The following SLC5A8 variants were observed in gnomAD, a reference collection of about 807,000 sequenced individuals.
SLC5A8 encodes the protein solute carrier family 5 member 8.
Under a neutral mutation model 71.9 loss-of-function variants are expected in SLC5A8, and 55 were observed. The ratio of observed to expected loss-of-function variants is 0.77; its 90% CI spans 0.62 to 0.96. The LOEUF (loss-of-function observed/expected upper bound fraction) is 0.96, where lower values mean the gene tolerates loss of function less well. Among genes scored for constraint, SLC5A8 ranks in the 40% least tolerant of loss-of-function variants. The pLI is 0.00. For missense variants in SLC5A8, 701 were observed against 745.3 expected (o/e 0.94, Z 0.69); for synonymous variants, 307 against 276.1 (o/e 1.11, Z -1.11).
chr12:101,190,805 G>A (rs574017762), intron 5 of SLC5A8, among the ~76,000 whole-genome samples, 197 bp from the exon 6 acceptor site: 1 of 152,016 alleles, frequency 6.6e-6, no homozygotes, highest in Admixed American at 6.6e-5. Flanking sequence ...ACTATTTTCA[G>A]AGATCTGAAA....
chr12:101,210,180 G>GTTAAT lies in SLC5A8; in HGVS notation c.-333_-332insATTAA. ...GGGGACACCTGAGCAGATGAGAACT[G>GTTAAT]GAGCCTCCAGCTGCTTCCAGCGAAT... On this transcript the variant is annotated 5_prime_UTR_variant, in exon 1 of 15. Transcript: ENST00000536262. 1.7e-5 allele frequency: 5 copies of GTTAAT among 301,124 alleles called. No individual in the cohort carries two copies. The highest frequency in any genetic ancestry group is 3.0e-5 in the Non-Finnish European group (5 of 165,304). 18.7% of individuals were successfully genotyped at this position (301,124 alleles called of 1,614,324 possible).
At chr12:101,164,436 A>T (rs2051750740) in intron 12 of SLC5A8, among the ~76,000 whole-genome samples, 1 of 152,220 alleles carries the variant, frequency 6.6e-6, no homozygotes, top group African/African-American at 2.4e-5. Flanking sequence ...TAAACTTAAA[A>T]AAATCAAAAC....
At chr12:101,186,134 T>G (rs1358843425) in intron 7 of SLC5A8, among the ~76,000 whole-genome samples, 1 of 152,046 alleles carries the variant, frequency 6.6e-6, no homozygotes, top group Non-Finnish European at 1.5e-5. Flanking sequence ...TTACAAACTT[T>G]TTTTTAAAGT....
In SLC5A8 at chr12:101,162,050, A is replaced by T; in HGVS notation, c.1554T>A (p.Ser518=). Residue 518 remains serine (S), a synonymous_variant, in exon 13 of 15, where the codon TCT becomes TCA. Coordinates refer to ENST00000536262, the MANE Select transcript of SLC5A8 (RefSeq NM_145913.5). ...QRTPLMDNWY[S]LSYLYFSTVG... is the part of the protein sequence containing the mutation. ...CAGTGCTGAAGTACAGATATGATAA[A>T]GAATACCAGTTATCCATCAGTGGAG... 1 of 1,613,726 alleles carries T rather than the reference A, an allele frequency of 6.2e-7. No individual in the cohort carries two copies. Among genetic ancestry groups the T allele is most frequent in the Middle Eastern group, 1.7e-4 (1 of 6,058 alleles).
intron 1 of SLC5A8, among the ~76,000 whole-genome samples, chr12:101,207,733 A>G (rs1593387923): frequency 6.6e-6 from 1 of 152,180 alleles, no homozygotes; most frequent in South Asian, 2.1e-4. Context: ...GGTAACATAC[A>G]TAAGTGACAG....
intron 2 of SLC5A8, among the ~76,000 whole-genome samples, chr12:101,204,103 G>A (rs868515105): frequency 6.6e-6 from 1 of 152,156 alleles, no homozygotes; most frequent in African/African-American, 2.4e-5. Context: ...CTATTAATAT[G>A]TTACAGAAAT....
intron 5 of SLC5A8, among the ~76,000 whole-genome samples, chr12:101,191,175 G>A (rs1868892600): frequency 6.6e-6 from 1 of 152,152 alleles, no homozygotes; most frequent in African/African-American, 2.4e-5. Context: ...TTAAAATGCT[G>A]TGCGTGCAAG....
rs1332604602 is a variant in SLC5A8 at position 101,195,077 on chromosome 12, A to G, written c.537+18T>C. On this transcript the variant is annotated intron_variant, in intron 4 of 14. Coordinates refer to ENST00000536262, the MANE Select transcript of SLC5A8 (RefSeq NM_145913.5). ...AGCAAGTGGGTAGAGTGAAAAGGGA[A>G]ATATGTCCTGGACGTACCAGTGTGC... 1 of 1,613,456 alleles carries G rather than the reference A, an allele frequency of 6.2e-7. No homozygotes were observed. Among genetic ancestry groups the G allele is most frequent in the South Asian group, 1.1e-5 (1 of 90,866 alleles).
rs370089236 is a variant in SLC5A8 at position 101,189,888 on chromosome 12, G to A, written c.833+580C>T. Among the ~76,000 whole-genome samples the A allele has an allele frequency of 1.4e-4, 22 of 152,266 alleles. No homozygotes were observed. In the South Asian group the frequency reaches 4.1e-3, roughly 29 times the overall value. ...CTTTACCATGCGTATGCCAAACACA[G>A]TATTTTACGACACCTCCCATGAGGT... On this transcript the variant is annotated intron_variant, in intron 6 of 14. Coordinates refer to ENST00000536262, the MANE Select transcript of SLC5A8 (RefSeq NM_145913.5).
At position 101,184,215 on chromosome 12, in the gene SLC5A8, G is replaced by A. The variant is rs1317862174; in HGVS notation, c.971C>T (p.Pro324Leu). 2 of 1,613,312 alleles carry A rather than the reference G, an allele frequency of 1.2e-6. No individual in the cohort carries two copies. Among genetic ancestry groups the A allele is most frequent in the African/African-American group, 2.7e-5 (2 of 74,860 alleles). The part of the protein sequence containing the change: ...KKVSAPDQLM[P>L]YLVLDILQDY... Reference sequence around the variant, plus strand: ...TTGCAGAATGTCCAGTACCAAATAAGGCATGAGCTGAAAAATTCCAAAATT... The same window carrying A: ...TTGCAGAATGTCCAGTACCAAATAAAGCATGAGCTGAAAAATTCCAAAATT... The change falls in exon 8 of 15, where the codon CCT becomes CTT. Residue 324 changes from proline (P) to leucine (L), a missense_variant. Coordinates refer to ENST00000536262, the MANE Select transcript of SLC5A8 (RefSeq NM_145913.5).
intron 1 of SLC5A8, among the ~76,000 whole-genome samples, chr12:101,209,201 C>A (rs986768405): frequency 6.6e-6 from 1 of 152,166 alleles, no homozygotes; most frequent in African/African-American, 2.4e-5. Flanking sequence ...GTAGAAAGGA[C>A]CATAGCGAGC....
Position 101,209,681 on chromosome 12 carries a change from G to T in SLC5A8, c.168C>A (p.Pro56=). 2 of 1,613,630 alleles carry T rather than the reference G, an allele frequency of 1.2e-6. No homozygotes were observed. The highest frequency in any genetic ancestry group is 1.7e-6 in the Non-Finnish European group (2 of 1,180,030). ...AGCTAGCGGTGAGGGACAGCGCCAC[G>T]GGCACTGCGGTCATTCTGCGGCCGC... ...LMGGRRMTAV[P]VALSLTASFM... The change falls in exon 1 of 15, where the codon CCC becomes CCA. Residue 56 remains proline (P), a synonymous_variant. Coordinates refer to ENST00000536262, the MANE Select transcript of SLC5A8 (RefSeq NM_145913.5).
chr12:101,195,188 A>G (rs1869117470), intron 3 of SLC5A8, 26 bp from the exon 4 acceptor site: 1 of 1,606,964 alleles, frequency 6.2e-7, no homozygotes, highest in South Asian at 1.1e-5. Context: ...GAATGCATAT[A>G]TAATTGTGAA....
intron 11 of SLC5A8, among the ~76,000 whole-genome samples, chr12:101,167,128 A>T (rs1460176402): frequency 2.0e-5 from 3 of 152,228 alleles, no homozygotes; most frequent in African/African-American, 7.2e-5. Context: ...GCCAAATATC[A>T]AAAGTTGATT....
intron 6 of SLC5A8, among the ~76,000 whole-genome samples, chr12:101,189,658 G>A (rs1868813809): frequency 6.6e-6 from 1 of 152,140 alleles, no homozygotes; most frequent in Admixed American, 6.5e-5. Context: ...GGGCTTGAGA[G>A]TTCTGGACCA....
intron 3 of SLC5A8, among the ~76,000 whole-genome samples, chr12:101,196,554 G>GA (rs199817839): frequency 1.5e-4 from 22 of 149,560 alleles, no homozygotes; most frequent in East Asian, 5.9e-4. Flanking sequence ...AGTTAAATTA[G>GA]AAAAAAAAAC....
intron 4 of SLC5A8, among the ~76,000 whole-genome samples, chr12:101,194,635 T>TA (rs1237290353): frequency 3.3e-5 from 5 of 151,818 alleles, no homozygotes; most frequent in Admixed American, 1.3e-4. Flanking sequence ...CTCCTAATTT[T>TA]AAAAAATTTT....
intron 10 of SLC5A8, among the ~76,000 whole-genome samples, chr12:101,174,038 T>C (rs1210801621): frequency 6.6e-6 from 1 of 152,180 alleles, no homozygotes; most frequent in Non-Finnish European, 1.5e-5. Context: ...ACAAAGTATG[T>C]AGAAGGCAGC....
chr12:101,205,734 C>G (rs1230959768), intron 1 of SLC5A8, among the ~76,000 whole-genome samples: 1 of 152,180 alleles, frequency 6.6e-6, no homozygotes, highest in Non-Finnish European at 1.5e-5. Context: ...AACACTGGGC[C>G]TCAGATAGAA....
Sources: allele counts gnomAD v4.1 joint callset (sites outside exome capture counted in the v4.1 genomes callset), GRCh38; gene constraint gnomAD v4.1.1; transcripts MANE v1.5; gene names NCBI Gene and HGNC (gene_info 2026-07-23, HGNC 2026-07-21).